The following C8orf34 variants were observed in gnomAD, a reference collection of about 807,000 sequenced individuals.
C8orf34 encodes uncharacterized protein C8orf34.
A neutral mutation model predicts 68.3 loss-of-function variants in C8orf34; 65 were observed. The ratio of observed to expected loss-of-function variants is 0.95; its 90% confidence interval spans 0.78 to 1.17. The LOEUF is 1.17. Ranked by LOEUF, C8orf34 falls within the 50% of genes most tolerant of loss-of-function variation. C8orf34 has a pLI of 0.00. For synonymous variants in C8orf34, 244 were observed against 241.2 expected, an observed-to-expected ratio of 1.01 and a Z score of -0.11; for missense variants, 664 against 655.4, an observed-to-expected ratio of 1.01 and a Z score of -0.14.
At chr8:68,626,351 C>T (rs184695701) in intron 7 of C8orf34, among the ~76,000 whole-genome samples, 81 of 152,234 alleles carry the variant, frequency 5.3e-4, no homozygotes, top group Non-Finnish European at 6.9e-4. Context: ...GAACTGAAAT[C>T]CACTAATATG....
intron 5 of C8orf34, among the ~76,000 whole-genome samples, chr8:68,501,996 C>T (rs1813795149): frequency 6.6e-6 from 1 of 152,032 alleles, no homozygotes; most frequent in African/African-American, 2.4e-5. Context: ...CACTTATTAC[C>T]AACCCAATAG....
chr8:68,735,767 C>T (rs537242216), intron 10 of C8orf34, among the ~76,000 whole-genome samples: 11 of 152,234 alleles, frequency 7.2e-5, no homozygotes, highest in African/African-American at 2.6e-4. Flanking sequence ...CAGGAGTGAA[C>T]CCTAGCCAAT....
chr8:68,814,963 G>A (rs1201289472), intron 12 of C8orf34, among the ~76,000 whole-genome samples: 5 of 152,040 alleles, frequency 3.3e-5, no homozygotes, highest in Non-Finnish European at 5.9e-5. Context: ...TGTATATTTC[G>A]ATGCTTCAAA....
intron 8 of C8orf34, among the ~76,000 whole-genome samples, chr8:68,645,714 A>C (rs1048515779): frequency 1.3e-5 from 2 of 152,332 alleles, no homozygotes; most frequent in South Asian, 4.1e-4. Flanking sequence ...TAGAATCAAT[A>C]AGACTCAAGT....
At chr8:68,398,119 A>C (rs1409803396) in intron 1 of C8orf34, among the ~76,000 whole-genome samples, 1 of 151,942 alleles carries the variant, frequency 6.6e-6, no homozygotes, top group East Asian at 1.9e-4. Context: ...TTTTCCTTTC[A>C]TTCATGACAT....
intron 8 of C8orf34, among the ~76,000 whole-genome samples, chr8:68,661,183 C>T (rs531022213): frequency 9.9e-5 from 15 of 152,284 alleles, no homozygotes; most frequent in South Asian, 2.1e-4. Flanking sequence ...GGTCATTGGA[C>T]GCAGCATGCA....
At chr8:68,815,181 T>C (rs2129530107) in intron 12 of C8orf34, among the ~76,000 whole-genome samples, 1 of 152,272 alleles carries the variant, frequency 6.6e-6, no homozygotes, top group Non-Finnish European at 1.5e-5. Flanking sequence ...ATTTTGTCAC[T>C]CTTTTGAACT....
chr8:68,767,400 C>T (rs57305638), intron 10 of C8orf34, among the ~76,000 whole-genome samples: 44,596 of 152,052 alleles, frequency 0.29, 7,026 homozygotes, highest in African/African-American at 0.39. Flanking sequence ...AAATCTGGCA[C>T]ATCCTTTAAG....
intron 6 of C8orf34, chr8:68,525,589 T>TGAGGTTGTCAGTACAATGAAACC: frequency 2.2e-6 from 2 of 890,422 alleles, no homozygotes; most frequent in Non-Finnish European, 3.7e-6. Flanking sequence ...TGATGCCAGC[T>TGAGGTTGTCAGTACAATGAAACC]GAGGTTGTCA....
chr8:68,781,560 G>A (rs758023035), intron 11 of C8orf34, among the ~76,000 whole-genome samples: 1 of 152,128 alleles, frequency 6.6e-6, no homozygotes. Context: ...TTGGCAAAGA[G>A]GGACACGTCA....
At chr8:68,510,025 G>A (rs1298827443) in intron 5 of C8orf34, among the ~76,000 whole-genome samples, 3 of 152,146 alleles carry the variant, frequency 2.0e-5, no homozygotes, top group Non-Finnish European at 4.4e-5. Context: ...GGCTTAATTG[G>A]CAGGAATCAG....
intron 7 of C8orf34, among the ~76,000 whole-genome samples, chr8:68,632,958 A>G (rs1818735305): frequency 6.6e-6 from 1 of 152,208 alleles, no homozygotes; most frequent in South Asian, 2.1e-4. Flanking sequence ...CCTCTGCTAC[A>G]GCAGTGCAGG....
intron 4 of C8orf34, among the ~76,000 whole-genome samples, chr8:68,474,452 A>C (rs1363898619): frequency 1.3e-5 from 2 of 152,146 alleles, no homozygotes; most frequent in African/African-American, 4.8e-5. Flanking sequence ...AATATCTTCT[A>C]GTTCACTCTC....
At chr8:68,396,325 G>A (rs1002385197) in intron 1 of C8orf34, among the ~76,000 whole-genome samples, 5 of 151,920 alleles carry the variant, frequency 3.3e-5, no homozygotes, top group Non-Finnish European at 5.9e-5. Flanking sequence ...AATTATTAAT[G>A]ATCATTATAA....
chr8:68,514,133 T>C (rs1296544834), intron 5 of C8orf34, among the ~76,000 whole-genome samples: 1 of 152,056 alleles, frequency 6.6e-6, no homozygotes, highest in Non-Finnish European at 1.5e-5. Context: ...CATGGTTTTA[T>C]TGGGTGAAAA....
chr8:68,803,532 A>G (rs935708857), intron 12 of C8orf34, among the ~76,000 whole-genome samples: 3 of 152,140 alleles, frequency 2.0e-5, no homozygotes, highest in African/African-American at 7.2e-5. Context: ...ATCCTACAGC[A>G]AACATCATAC....
chr8:68,448,764 G>C (rs1436966260), intron 3 of C8orf34, among the ~76,000 whole-genome samples: 1 of 152,010 alleles, frequency 6.6e-6, no homozygotes, highest in Non-Finnish European at 1.5e-5. Flanking sequence ...ACTGAATAAA[G>C]AGTATAGATT....
chr8:68,418,618 G>T (rs547864924), intron 1 of C8orf34, among the ~76,000 whole-genome samples: 30 of 152,240 alleles, frequency 2.0e-4, no homozygotes, highest in African/African-American at 7.2e-4. Context: ...GCATGGTACT[G>T]GTACCAAAAC....
At chr8:68,775,751 G>A (rs994930542) in intron 10 of C8orf34, among the ~76,000 whole-genome samples, 1 of 152,140 alleles carries the variant, frequency 6.6e-6, no homozygotes, top group African/African-American at 2.4e-5. Flanking sequence ...AACAGAAAAT[G>A]TTACACAATT....
Sources: allele counts gnomAD v4.1 joint callset (sites outside exome capture counted in the v4.1 genomes callset), GRCh38; gene constraint gnomAD v4.1.1; transcripts MANE v1.5; gene names NCBI Gene and HGNC (gene_info 2026-07-23, HGNC 2026-07-21).